The following MLXIP variants were observed in gnomAD, a reference collection of about 807,000 sequenced individuals.
MLXIP encodes the protein MLX-interacting protein.
In MLXIP, 30 loss-of-function variants were observed where a neutral mutation model predicts 87.2. That is an observed-to-expected ratio of 0.34 (90% CI 0.26 to 0.47). The LOEUF (loss-of-function observed/expected upper bound fraction) is 0.47, where lower values mean the gene tolerates loss of function less well. MLXIP is among the 20% of genes least tolerant of loss of function. The pLI is 1.00. For synonymous variants in MLXIP, 530 were observed against 514.0 expected, an observed-to-expected ratio of 1.03 and a Z score of -0.42; for missense variants, 1,002 against 1,240.1, an observed-to-expected ratio of 0.81 and a Z score of 2.88.
chr12:122,085,259 C>T (rs374539207), intron 1 of MLXIP, among the ~76,000 whole-genome samples: 2 of 151,426 alleles, frequency 1.3e-5, no homozygotes, highest in Non-Finnish European at 2.9e-5. Context: ...TTATGTGATC[C>T]CGGCTTACCA....
chr12:122,116,233 T>C (rs1399688969), intron 1 of MLXIP, among the ~76,000 whole-genome samples: 1 of 152,190 alleles, frequency 6.6e-6, no homozygotes, highest in Non-Finnish European at 1.5e-5. Context: ...TGGAGCTCTT[T>C]GTTCCATTTG....
chr12:122,110,337 G>T (rs2135940655), intron 1 of MLXIP, among the ~76,000 whole-genome samples: 1 of 152,094 alleles, frequency 6.6e-6, no homozygotes, highest in Admixed American at 6.5e-5. Context: ...GCCCAGGCTG[G>T]AGTGCAATGG....
intron 15 of MLXIP, among the ~76,000 whole-genome samples, chr12:122,140,224 G>A (rs1173266445): frequency 6.6e-6 from 1 of 152,210 alleles, no homozygotes; most frequent in Non-Finnish European, 1.5e-5. Flanking sequence ...TGGTCTAGGA[G>A]ACTGGCATGC....
At chr12:122,101,868 C>T (rs1014973623) in intron 1 of MLXIP, among the ~76,000 whole-genome samples, 15 of 152,152 alleles carry the variant, frequency 9.9e-5, no homozygotes, top group Admixed American at 5.9e-4. Flanking sequence ...CGTGAGCCAC[C>T]GCGCCCGGCC....
At chr12:122,081,665 A>T (rs1952092743) in intron 1 of MLXIP, among the ~76,000 whole-genome samples, 1 of 152,202 alleles carries the variant, frequency 6.6e-6, no homozygotes, top group South Asian at 2.1e-4. Flanking sequence ...TCTAAAAAAG[A>T]AAAAGAAAGA....
intron 1 of MLXIP, among the ~76,000 whole-genome samples, chr12:122,080,329 G>T (rs772097808): frequency 2.0e-5 from 3 of 152,116 alleles, no homozygotes; most frequent in Non-Finnish European, 4.4e-5. Context: ...TGGAGGCATC[G>T]CGGGAGAAGT....
At position 122,144,555 on chromosome 12, in the gene MLXIP, C is replaced by G. The variant is rs1222741600; in HGVS notation, c.*2743C>G. The G allele has an allele frequency of 6.6e-6, 1 of 152,100 alleles. No homozygotes were observed. Among genetic ancestry groups the G allele is most frequent in the Non-Finnish European group, 1.5e-5 (1 of 68,036 alleles). The allele number at this position is 152,100 out of a possible 1,614,324, so 9.4% of individuals were successfully genotyped here. ...GCTATGATCATGCCACACTGTACTC[C>G]AGCCTGGATGACAGAGTGAAACCCT... On this transcript the variant is annotated 3_prime_UTR_variant, in exon 17 of 17. Coordinates refer to ENST00000319080, the MANE Select transcript of MLXIP (RefSeq NM_014938.6).
intron 16 of MLXIP, 21 bp downstream of exon 16, chr12:122,141,104 G>A (rs1339569878): frequency 6.3e-7 from 1 of 1,598,538 alleles, no homozygotes. Context: ...CAGTGCCAGG[G>A]TGGGGGGCTT....
rs1262372516 is a variant in MLXIP, at chr12:122,142,294, C to T, written c.*482C>T. The T allele has an allele frequency of 7.3e-6, 5 of 685,230 alleles. No homozygotes were observed. The highest frequency in any genetic ancestry group is 3.0e-5 in the South Asian group (2 of 66,624). 42.4% of individuals were successfully genotyped at this position (685,230 alleles called of 1,614,324 possible). A position where few individuals can be genotyped will look rare whatever the true frequency, so the allele number is the denominator to read the frequency against. On this transcript the variant is annotated 3_prime_UTR_variant, in exon 17 of 17. Transcript: ENST00000319080. ...GTCTGCCCGTGGGGCAGTTGGAAGG[C>T]GTCTTTCTTTCTCCCCTCAACTCTG...
At chr12:122,097,035 T>C (rs973532702) in intron 1 of MLXIP, among the ~76,000 whole-genome samples, 11 of 152,252 alleles carry the variant, frequency 7.2e-5, no homozygotes, top group Admixed American at 2.6e-4. Flanking sequence ...GATGCCGCTG[T>C]CTGGCTTGGC....
chr12:122,133,319 G>T lies in MLXIP; in HGVS notation c.1093-29G>T. ...AAAGGAATTGTCTGACCCCAGCATT[G>T]CTTCCTGGCTCCTTTCTTCCTTTTT... is the stretch of plus-strand genomic sequence containing the variant. On this transcript the variant is annotated intron_variant, in intron 8 of 16. Transcript: ENST00000319080. This position sits in a 1 kb window ranked among gnomAD's most constrained non-coding sequence, Gnocchi z 4.9. 6.5e-7 allele frequency: 1 copy of T among 1,531,180 alleles called. No homozygotes were observed. The highest frequency in any genetic ancestry group is 8.8e-7 in the Non-Finnish European group (1 of 1,139,008). 94.8% of individuals were successfully genotyped at this position (1,531,180 alleles called of 1,614,324 possible).
chr12:122,112,540 A>G (rs979797833), intron 1 of MLXIP, among the ~76,000 whole-genome samples: 3 of 151,968 alleles, frequency 2.0e-5, no homozygotes, highest in African/African-American at 7.3e-5. Flanking sequence ...CCAGCTACTC[A>G]GGAGGCTGAG....
rs560012319 is a variant in MLXIP at position 122,133,245 on chromosome 12, G to C, written c.1093-103G>C. 1.4e-6 allele frequency: 2 copies of C among 1,380,572 alleles called. No individual in the cohort carries two copies. Among genetic ancestry groups the C allele is most frequent in the Admixed American group, 2.4e-5 (1 of 41,652 alleles). The allele number at this position is 1,380,572 out of a possible 1,614,324, so 85.5% of individuals were successfully genotyped here. Reference sequence around the variant, plus strand: ...GTGGAGACGTGGCCTTTGTCCCTCTGTCCCAGCGCCCGGCCTGTGTAGTTG... The same window carrying C: ...GTGGAGACGTGGCCTTTGTCCCTCTCTCCCAGCGCCCGGCCTGTGTAGTTG... On this transcript the variant is annotated intron_variant, in intron 8 of 16. Coordinates refer to ENST00000319080, the MANE Select transcript of MLXIP (RefSeq NM_014938.6). This position sits in a 1 kb window ranked among gnomAD's most constrained non-coding sequence, Gnocchi z 4.9.
chr12:122,085,449 G>A (rs1011756930), intron 1 of MLXIP, among the ~76,000 whole-genome samples: 1 of 151,606 alleles, frequency 6.6e-6, no homozygotes, highest in African/African-American at 2.4e-5. Context: ...TGTCGCCCAG[G>A]CTGGAGTGCA....
chr12:122,135,462 G>GTCA lies in MLXIP; in HGVS notation c.1855-27_1855-26insTCA. ...GCCCTGCTGTATATCAGCAGTCAGG[G>GTCA]GTGACCTGTCTCCCATGTCACTGCA... On this transcript the variant is annotated intron_variant, in intron 10 of 16. Coordinates refer to ENST00000319080, the MANE Select transcript of MLXIP (RefSeq NM_014938.6). This position sits in a 1 kb window ranked among gnomAD's most constrained non-coding sequence, Gnocchi z 5.3. 2.5e-6 allele frequency: 4 copies of GTCA among 1,609,382 alleles called. No homozygotes were observed. The highest frequency in any genetic ancestry group is 3.4e-6 in the Non-Finnish European group (4 of 1,178,182).
chr12:122,113,069 T>A (rs931108755), intron 1 of MLXIP, among the ~76,000 whole-genome samples: 1 of 152,214 alleles, frequency 6.6e-6, no homozygotes, highest in Non-Finnish European at 1.5e-5. Flanking sequence ...TATAAATGTA[T>A]GTCTGTGGGG....
chr12:122,101,566 A>ATTTTTTCTT lies in MLXIP; in HGVS notation c.413+22306_413+22307insCTTTTTTTT, dbSNP rs1952436819. Among the ~76,000 whole-genome samples, 11 of 136,608 alleles carry ATTTTTTCTT rather than the reference A, an allele frequency of 8.1e-5. 1 individual carries two copies. Among genetic ancestry groups the ATTTTTTCTT allele is most frequent in the Admixed American group, 1.5e-4 (2 of 13,334 alleles). The allele number at this position is 136,608 out of a possible 152,430, so 89.6% of individuals were successfully genotyped here. The stretch of plus-strand genomic sequence containing the variant: ...AAGTTATTTATTTATTTATTTATTT[A>ATTTTTTCTT]TTTTTTTCTTTTTTTTTCTTTTTTT... On this transcript the variant is annotated intron_variant, in intron 1 of 16. Coordinates refer to ENST00000319080, the MANE Select transcript of MLXIP (RefSeq NM_014938.6).
In MLXIP at chr12:122,142,224, C is replaced by A; in HGVS notation, c.*412C>A. 1.4e-6 allele frequency: 1 copy of A among 700,532 alleles called. No homozygotes were observed. The highest frequency in any genetic ancestry group is 2.6e-6 in the Non-Finnish European group (1 of 384,192). 43.4% of individuals were successfully genotyped at this position (700,532 alleles called of 1,614,324 possible). A position where few individuals can be genotyped will look rare whatever the true frequency, so the allele number is the denominator to read the frequency against. On this transcript the variant is annotated 3_prime_UTR_variant, in exon 17 of 17. Transcript: ENST00000319080. ...CCAGCCTTGTCCCTCCTGCCACGTC[C>A]TGTCCACATGCATGCCTCTGCCTGA...
chr12:122,113,538 G>A (rs1952636330), intron 1 of MLXIP, among the ~76,000 whole-genome samples: 3 of 152,010 alleles, frequency 2.0e-5, no homozygotes, highest in Admixed American at 2.0e-4. Flanking sequence ...AAAGTGCTGG[G>A]ATTACAGATG....
Sources: allele counts gnomAD v4.1 joint callset (sites outside exome capture counted in the v4.1 genomes callset), GRCh38; gene constraint gnomAD v4.1.1; non-coding constraint Gnocchi (gnomAD v3.1); transcripts MANE v1.5; gene names NCBI Gene and HGNC (gene_info 2026-07-23, HGNC 2026-07-21).